The following SCHIP1 variants were observed in gnomAD, a reference collection of about 807,000 sequenced individuals.
SCHIP1 encodes schwannomin-interacting protein 1.
In SCHIP1, 8 loss-of-function variants were observed where a neutral mutation model predicts 29.7. The observed-to-expected ratio is 0.27, with a 90% CI of 0.16 to 0.49. The LOEUF (loss-of-function observed/expected upper bound fraction) is 0.49. Ranked by LOEUF, SCHIP1 falls within the 20% of genes least tolerant of loss-of-function variation. The pLI is 0.99. For missense variants in SCHIP1, 193 were observed against 294.6 expected (o/e 0.66, Z 2.52); for synonymous variants, 76 against 94.9 (o/e 0.80, Z 1.16).
the SCHIP1 span, among the ~76,000 whole-genome samples, chr3:159,700,235 A>G: frequency 6.6e-6 from 1 of 152,242 alleles, no homozygotes; most frequent in Admixed American, 6.5e-5. Flanking sequence ...AAATAGAGAA[A>G]CAAGCTAAGT....
chr3:159,467,080 G>A, the SCHIP1 span, among the ~76,000 whole-genome samples: 926 of 151,974 alleles, frequency 6.1e-3, 4 homozygotes, highest in Non-Finnish European at 8.8e-3. Flanking sequence ...CTTAAAAGCC[G>A]TTCTGTACCT....
chr3:159,828,364 T>C, the SCHIP1 span, among the ~76,000 whole-genome samples: 1 of 116,360 alleles, frequency 8.6e-6, no homozygotes, highest in Non-Finnish European at 1.7e-5. Context: ...GTAACCTTTA[T>C]ATATATATAT....
chr3:159,287,587 A>C, the SCHIP1 span, among the ~76,000 whole-genome samples: 1 of 152,214 alleles, frequency 6.6e-6, no homozygotes, highest in Non-Finnish European at 1.5e-5. Context: ...GATAATTATA[A>C]TAGCTAAAAT....
At chr3:159,375,045 A>AAATT in the SCHIP1 span, among the ~76,000 whole-genome samples, 11 of 152,236 alleles carry the variant, frequency 7.2e-5, no homozygotes, top group Non-Finnish European at 1.3e-4. Context: ...AATGTCATTA[A>AAATT]AATTAATTTT....
chr3:159,823,231 G>A, the SCHIP1 span, among the ~76,000 whole-genome samples: 1 of 152,088 alleles, frequency 6.6e-6, no homozygotes, highest in Non-Finnish European at 1.5e-5. Flanking sequence ...TAGTGTGGGA[G>A]GCAAGAGAAG....
At chr3:159,883,177 A>G (rs997491998) in intron 2 of SCHIP1, among the ~76,000 whole-genome samples, 1 of 152,198 alleles carries the variant, frequency 6.6e-6, no homozygotes, top group African/African-American at 2.4e-5. Flanking sequence ...GCTCTGCTAA[A>G]TGCCACTTGA....
the SCHIP1 span, chr3:159,808,461 G>T: frequency 1.2e-4 from 18 of 152,234 alleles, no homozygotes; most frequent in Non-Finnish European, 2.4e-4. Flanking sequence ...GGGCTTCCCA[G>T]AAAGATCCTT....
the SCHIP1 span, chr3:159,768,755 A>G: frequency 2.7e-4 from 41 of 152,304 alleles, no homozygotes; most frequent in African/African-American, 9.6e-4. Flanking sequence ...CTCAAGACAG[A>G]CCTCCAGCAC....
chr3:159,497,047 T>A, the SCHIP1 span, among the ~76,000 whole-genome samples: 1 of 152,072 alleles, frequency 6.6e-6, no homozygotes, highest in Non-Finnish European at 1.5e-5. Flanking sequence ...TAGGTGGGAA[T>A]TGAACAATGA....
the SCHIP1 span, among the ~76,000 whole-genome samples, chr3:159,318,749 G>A: frequency 5.9e-5 from 9 of 152,170 alleles, no homozygotes; most frequent in East Asian, 3.9e-4. Flanking sequence ...GCTCGAGCCC[G>A]ATCAGGTAGA....
chr3:159,810,337 G>C, the SCHIP1 span, among the ~76,000 whole-genome samples: 1 of 152,144 alleles, frequency 6.6e-6, no homozygotes, highest in Non-Finnish European at 1.5e-5. Flanking sequence ...GAGCCACCAC[G>C]CCCGGCCTCA....
At chr3:159,408,166 C>T in the SCHIP1 span, among the ~76,000 whole-genome samples, 1 of 151,924 alleles carries the variant, frequency 6.6e-6, no homozygotes. Flanking sequence ...GGCATGGTGG[C>T]AGGCACCTGT....
At chr3:159,679,060 G>A in the SCHIP1 span, among the ~76,000 whole-genome samples, 417 of 152,254 alleles carry the variant, frequency 2.7e-3, 4 homozygotes, top group African/African-American at 9.7e-3. Context: ...CAAAGGATTC[G>A]ATTGATGAAC....
At chr3:159,398,914 C>T in the SCHIP1 span, 1 of 966,918 alleles carries the variant, frequency 1.0e-6, no homozygotes. Context: ...GTCAGATATA[C>T]TATACAGAAC....
chr3:159,619,428 A>G, the SCHIP1 span, among the ~76,000 whole-genome samples: 1 of 152,156 alleles, frequency 6.6e-6, no homozygotes, highest in Non-Finnish European at 1.5e-5. Flanking sequence ...CCCCTTGCTT[A>G]TGAAAACAGA....
chr3:159,867,697 C>T (rs1232191201), intron 2 of SCHIP1, among the ~76,000 whole-genome samples: 1 of 152,114 alleles, frequency 6.6e-6, no homozygotes, highest in African/African-American at 2.4e-5. Flanking sequence ...TCAGATGTGG[C>T]AGAAGGCGCT....
the SCHIP1 span, among the ~76,000 whole-genome samples, chr3:159,716,356 A>C: frequency 2.6e-5 from 4 of 152,236 alleles, no homozygotes; most frequent in South Asian, 2.1e-4. Context: ...TGAGCAAAAT[A>C]ACCAGCTAAC....
the SCHIP1 span, among the ~76,000 whole-genome samples, chr3:159,357,788 G>C: frequency 6.6e-6 from 1 of 152,126 alleles, no homozygotes; most frequent in Non-Finnish European, 1.5e-5. Flanking sequence ...GTTCTATCCC[G>C]GATATCTGAT....
chr3:159,864,298 G>A (rs939262492), intron 1 of SCHIP1, among the ~76,000 whole-genome samples: 1 of 152,056 alleles, frequency 6.6e-6, no homozygotes, highest in Non-Finnish European at 1.5e-5. Flanking sequence ...AGTTGCAAGT[G>A]GTTAGTGAAA....
Sources: allele counts gnomAD v4.1 joint callset (sites outside exome capture counted in the v4.1 genomes callset), GRCh38; gene constraint gnomAD v4.1.1; transcripts MANE v1.5; gene names NCBI Gene and HGNC (gene_info 2026-07-23, HGNC 2026-07-21).